NCKAP5: variants seen among roughly 807,000 people sequenced by gnomAD.
The protein encoded by NCKAP5 is nck-associated protein 5.
A neutral mutation model predicts 167.0 loss-of-function variants in NCKAP5; 92 were observed. The observed-to-expected ratio is 0.55, with a 90% CI of 0.47 to 0.66. The LOEUF (loss-of-function observed/expected upper bound fraction) is 0.66. Among genes scored for constraint, NCKAP5 ranks in the 30% least tolerant of loss-of-function variants. The probability of loss-of-function intolerance (pLI) is 0.00; values close to 1 mark genes in which losing one functional copy is unlikely to be tolerated. For missense variants in NCKAP5, 2,378 were observed against 2,315.0 expected (o/e 1.03, Z -0.56); for synonymous variants, 891 against 877.4 (o/e 1.02, Z -0.27).
intron 4 of NCKAP5, among the ~76,000 whole-genome samples, chr2:133,240,141 C>T (rs764312964): frequency 1.6e-4 from 25 of 152,108 alleles, no homozygotes; most frequent in Non-Finnish European, 3.1e-4. Flanking sequence ...CGAACTTAGC[C>T]ACCATGCAGA....
intron 6 of NCKAP5, among the ~76,000 whole-genome samples, chr2:133,090,583 A>T (rs146525237): frequency 6.6e-6 from 1 of 152,170 alleles, no homozygotes. Context: ...GATTACAAAC[A>T]TCTGGCCTCC....
intron 11 of NCKAP5, among the ~76,000 whole-genome samples, chr2:132,839,489 A>C (rs1042924375): frequency 2.0e-5 from 3 of 152,152 alleles, no homozygotes; most frequent in Non-Finnish European, 2.9e-5. Context: ...GGTGGAGTGC[A>C]ACAGCTCATG....
chr2:133,499,354 G>A lies in NCKAP5; in HGVS notation c.69+18104C>T, dbSNP rs79010442. Among the ~76,000 whole-genome samples the A allele has an allele frequency of 9.4e-3, 1,433 of 152,240 alleles. 22 individuals are homozygous for A. Among genetic ancestry groups the A allele is most frequent in the African/African-American group, 0.032 (1,328 of 41,534 alleles). On this transcript the variant is annotated intron_variant, in intron 3 of 19. Transcript: ENST00000409261. ...TATCACAGAAAAGGGAAATACCCAAGTCTTTCTGTCTCAGTCATCTGTGGG... is the reference window on the plus strand; with the variant it reads ...TATCACAGAAAAGGGAAATACCCAAATCTTTCTGTCTCAGTCATCTGTGGG...
chr2:132,767,100 A>C (rs933775081), intron 16 of NCKAP5, among the ~76,000 whole-genome samples: 1 of 152,150 alleles, frequency 6.6e-6, no homozygotes, highest in African/African-American at 2.4e-5. Flanking sequence ...CTACCACAAA[A>C]CAACTCTTTT....
intron 5 of NCKAP5, among the ~76,000 whole-genome samples, chr2:133,189,313 G>T (rs1472920521): frequency 1.3e-5 from 2 of 151,974 alleles, no homozygotes; most frequent in Admixed American, 6.6e-5. Context: ...ACCAAAAAAA[G>T]TCCAGGATCA....
At chr2:132,882,932 C>T (rs908342100) in intron 8 of NCKAP5, among the ~76,000 whole-genome samples, 1 of 151,950 alleles carries the variant, frequency 6.6e-6, no homozygotes, top group African/African-American at 2.4e-5. Context: ...CAGGCTCACA[C>T]CTATAATCTC....
At chr2:133,085,419 G>A (rs2080954192) in intron 6 of NCKAP5, among the ~76,000 whole-genome samples, 2 of 152,114 alleles carry the variant, frequency 1.3e-5, no homozygotes, top group Non-Finnish European at 2.9e-5. Context: ...TTTTTAAACA[G>A]TGAAACAGAT....
chr2:133,637,815 A>G, the NCKAP5 span, among the ~76,000 whole-genome samples: 1 of 152,172 alleles, frequency 6.6e-6, no homozygotes, highest in Non-Finnish European at 1.5e-5. Flanking sequence ...ATTTGAAAAT[A>G]TATTGACCAA....
At chr2:133,634,486 C>A in the NCKAP5 span, among the ~76,000 whole-genome samples, 2 of 152,192 alleles carry the variant, frequency 1.3e-5, no homozygotes, top group Non-Finnish European at 2.9e-5. Context: ...CAATACAGGA[C>A]TACTTTTTCA....
chr2:133,611,766 T>G, the NCKAP5 span, among the ~76,000 whole-genome samples: 1 of 152,132 alleles, frequency 6.6e-6, no homozygotes, highest in Non-Finnish European at 1.5e-5. Context: ...CAAAACATTC[T>G]CTCCCCTATT....
intron 3 of NCKAP5, among the ~76,000 whole-genome samples, chr2:133,421,175 ATCC>A (rs1244476041): frequency 1.3e-5 from 2 of 152,066 alleles, no homozygotes; most frequent in Non-Finnish European, 2.9e-5. Context: ...TTTACCCAAT[ATCC>A]TCCTTGAACT....
chr2:133,458,752 G>A (rs1292507349), intron 3 of NCKAP5, among the ~76,000 whole-genome samples: 1 of 152,124 alleles, frequency 6.6e-6, no homozygotes, highest in African/African-American at 2.4e-5. Context: ...GTGGCAGGAG[G>A]GGGATGAAGA....
chr2:133,513,106 T>C (rs1264338497), intron 3 of NCKAP5, among the ~76,000 whole-genome samples: 1 of 152,192 alleles, frequency 6.6e-6, no homozygotes, highest in Non-Finnish European at 1.5e-5. Context: ...GAGGAGAGTT[T>C]GGTAAAGGGA....
chr2:132,759,266 G>A (rs1440944220), intron 16 of NCKAP5, among the ~76,000 whole-genome samples: 1 of 151,978 alleles, frequency 6.6e-6, no homozygotes, highest in East Asian at 1.9e-4. Context: ...GAACATTTGG[G>A]TTATTTTCTA....
intron 6 of NCKAP5, among the ~76,000 whole-genome samples, chr2:133,113,903 C>T (rs1054181624): frequency 6.6e-6 from 1 of 152,126 alleles, no homozygotes; most frequent in Non-Finnish European, 1.5e-5. Context: ...GAATTGGCTG[C>T]CCCTGTACCA....
intron 6 of NCKAP5, chr2:133,118,448 C>A (rs1225541461): frequency 6.6e-6 from 1 of 152,164 alleles, no homozygotes; most frequent in African/African-American, 2.4e-5. Flanking sequence ...ATACCATCCA[C>A]AGTGAGGGTT....
intron 5 of NCKAP5, among the ~76,000 whole-genome samples, chr2:133,172,366 T>C (rs142422326): frequency 6.6e-6 from 1 of 152,338 alleles, no homozygotes; most frequent in East Asian, 1.9e-4. Context: ...ACTTCATTGA[T>C]TGTTAAATTA....
chr2:133,355,970 C>T (rs1209972746), intron 3 of NCKAP5, among the ~76,000 whole-genome samples: 1 of 152,138 alleles, frequency 6.6e-6, no homozygotes, highest in East Asian at 1.9e-4. Flanking sequence ...ATCTGTCGCG[C>T]AGGCTGGAGT....
intron 4 of NCKAP5, among the ~76,000 whole-genome samples, chr2:133,294,332 A>G (rs1679807704): frequency 6.6e-6 from 1 of 152,186 alleles, no homozygotes; most frequent in African/African-American, 2.4e-5. Context: ...ATGAGGATAG[A>G]GGCATGCTAA....
Sources: allele counts gnomAD v4.1 joint callset (sites outside exome capture counted in the v4.1 genomes callset), GRCh38; gene constraint gnomAD v4.1.1; transcripts MANE v1.5; gene names NCBI Gene and HGNC (gene_info 2026-07-23, HGNC 2026-07-21).